CSMD2: variants seen among roughly 807,000 people sequenced by gnomAD.
The protein encoded by CSMD2 is CUB and Sushi multiple domains 2.
CSMD2 carries 130 observed loss-of-function variants against 398.5 expected under a neutral mutation model. That is an observed-to-expected ratio of 0.33 (90% CI 0.28 to 0.38). The LOEUF (loss-of-function observed/expected upper bound fraction) is 0.38, where lower values mean the gene tolerates loss of function less well. Among genes scored for constraint, CSMD2 ranks in the 10% least tolerant of loss-of-function variants. The pLI, the probability that CSMD2 is intolerant of heterozygous loss-of-function variation, is 1.00. For missense variants in CSMD2, 3,829 were observed against 4,764.9 expected (o/e 0.80, Z 5.78); for synonymous variants, 1,828 against 1,908.5 (o/e 0.96, Z 1.10).
chr1:33,625,018 C>T (rs747962794), intron 34 of CSMD2, 33 bp downstream of exon 34: 2 of 1,606,270 alleles, frequency 1.2e-6, no homozygotes, highest in East Asian at 2.2e-5. Context: ...TGCCGCCCCC[C>T]GCACCCTCAA....
intron 24 of CSMD2, among the ~76,000 whole-genome samples, chr1:33,694,937 G>T: frequency 1.3e-5 from 2 of 152,314 alleles, no homozygotes; most frequent in Admixed American, 1.3e-4. Flanking sequence ...TCCCCTGGAA[G>T]AGTTTACTGT....
At chr1:34,138,840 A>G (rs1639005599) in intron 1 of CSMD2, among the ~76,000 whole-genome samples, 1 of 152,208 alleles carries the variant, frequency 6.6e-6, no homozygotes. Context: ...ATATTTTTAC[A>G]TACACATTCA....
intron 5 of CSMD2, among the ~76,000 whole-genome samples, chr1:33,902,417 A>C (rs1329332665): frequency 6.6e-6 from 1 of 152,048 alleles, no homozygotes; most frequent in Non-Finnish European, 1.5e-5. Flanking sequence ...TCTTTCCCAA[A>C]AGCCTCTCAT....
intron 5 of CSMD2, among the ~76,000 whole-genome samples, chr1:33,893,890 G>T (rs535072553): frequency 2.6e-5 from 4 of 152,244 alleles, no homozygotes; most frequent in African/African-American, 9.6e-5. Flanking sequence ...CTTTTTCCAG[G>T]ATGCTGGGGT....
Position 33,519,908 on chromosome 1 carries a change from T to C in CSMD2, c.10640A>G (p.His3547Arg). 1.2e-6 allele frequency: 2 copies of C among 1,614,112 alleles called. No homozygotes were observed. The highest frequency in any genetic ancestry group is 1.7e-6 in the Non-Finnish European group (2 of 1,180,002). ...LESDPESIGR[H>R]FASNSSSVAA... ...CACTGAGCTGCTGTTGGAAGCAAAG[T>C]GGCGGCCAATGGACTCGGGGTCTGA... The change falls in exon 69 of 71, where the codon CAC (histidine) becomes CGC (arginine). Residue 3547 changes from histidine to arginine, a missense_variant. Coordinates refer to ENST00000373381, the MANE Select transcript of CSMD2 (RefSeq NM_001281956.2). This position sits in a 1 kb window ranked among gnomAD's most constrained non-coding sequence, Gnocchi z 5.6.
intron 5 of CSMD2, among the ~76,000 whole-genome samples, chr1:33,888,986 A>G (rs565247124): frequency 7.3e-4 from 111 of 152,182 alleles, no homozygotes; most frequent in South Asian, 5.0e-3. Flanking sequence ...TAGCCAGGAC[A>G]GTCTCCATCT....
intron 48 of CSMD2, 131 bp downstream of exon 48, chr1:33,580,622 G>C (rs1402404445): frequency 1.2e-6 from 1 of 854,186 alleles, no homozygotes; most frequent in Non-Finnish European, 1.8e-6. Context: ...TAGGAGGTAG[G>C]GGAATGGCAA....
At chr1:33,983,668 A>C (rs1445921055) in intron 3 of CSMD2, among the ~76,000 whole-genome samples, 4 of 151,862 alleles carry the variant, frequency 2.6e-5, no homozygotes, top group Non-Finnish European at 5.9e-5. Flanking sequence ...CCAGCCCATC[A>C]CCCATCCTAC....
chr1:33,633,283 C>T lies in CSMD2; in HGVS notation c.5200+139G>A. 3.0e-6 allele frequency: 2 copies of T among 669,774 alleles called. No homozygotes were observed. Among genetic ancestry groups the T allele is most frequent in the East Asian group, 2.7e-5 (1 of 36,610 alleles). The allele number at this position is 669,774 out of a possible 1,614,324, so 41.5% of individuals were successfully genotyped here. ...CACGAGCTGGCTGCTGCGTTGTAGA[C>T]AAGCACCAGAACACGACAGGCACGC... On this transcript the variant is annotated intron_variant, in intron 32 of 70. Coordinates refer to ENST00000373381, the MANE Select transcript of CSMD2 (RefSeq NM_001281956.2). The surrounding 1 kb of genome is among the most constrained non-coding windows in gnomAD (Gnocchi z 5.0).
At chr1:33,786,141 T>G (rs1334249724) in intron 12 of CSMD2, among the ~76,000 whole-genome samples, 1 of 152,236 alleles carries the variant, frequency 6.6e-6, no homozygotes, top group Non-Finnish European at 1.5e-5. Context: ...CTTTTCCTAC[T>G]AATTTAGTCA....
chr1:33,884,277 T>A (rs901121729), intron 5 of CSMD2, among the ~76,000 whole-genome samples: 2 of 151,840 alleles, frequency 1.3e-5, no homozygotes, highest in Middle Eastern at 3.2e-3. Flanking sequence ...CAACCTTTAC[T>A]CCTCCCCAAA....
chr1:33,630,563 G>A (rs1490368427), intron 32 of CSMD2, among the ~76,000 whole-genome samples: 1 of 152,106 alleles, frequency 6.6e-6, no homozygotes, highest in Non-Finnish European at 1.5e-5. Flanking sequence ...GAGTGTGATT[G>A]TAGAGCCTGA....
intron 14 of CSMD2, among the ~76,000 whole-genome samples, chr1:33,742,820 G>A (rs1160942423): frequency 6.6e-6 from 1 of 152,130 alleles, no homozygotes; most frequent in African/African-American, 2.4e-5. Context: ...ATGGGAACTG[G>A]GCAAAGCAAA....
intron 1 of CSMD2, among the ~76,000 whole-genome samples, chr1:34,133,001 C>A (rs1277754084): frequency 2.7e-5 from 4 of 148,372 alleles, no homozygotes; most frequent in Non-Finnish European, 5.9e-5. Flanking sequence ...CTCTGGTGAA[C>A]CTTGACTAAT....
At chr1:33,993,350 C>T (rs1367390447) in intron 3 of CSMD2, among the ~76,000 whole-genome samples, 1 of 152,202 alleles carries the variant, frequency 6.6e-6, no homozygotes, top group Non-Finnish European at 1.5e-5. Flanking sequence ...CACAACAGGT[C>T]ACACTGGCTC....
intron 1 of CSMD2, among the ~76,000 whole-genome samples, chr1:34,135,499 T>C (rs1039654378): frequency 2.0e-5 from 3 of 151,164 alleles, no homozygotes; most frequent in Non-Finnish European, 4.4e-5. Context: ...TTGCCTGTAG[T>C]CCCAGCTACT....
At chr1:33,578,779 C>A (rs537757714) in intron 48 of CSMD2, among the ~76,000 whole-genome samples, 2 of 152,138 alleles carry the variant, frequency 1.3e-5, no homozygotes, top group African/African-American at 4.8e-5. Flanking sequence ...AGGCAGGATG[C>A]GCGTGTGGGG....
At chr1:34,084,748 G>A (rs1463937954) in intron 2 of CSMD2, among the ~76,000 whole-genome samples, 1 of 151,972 alleles carries the variant, frequency 6.6e-6, no homozygotes, top group African/African-American at 2.4e-5. Flanking sequence ...TGGAGAGGAT[G>A]TGGAGAAATA....
intron 35 of CSMD2, among the ~76,000 whole-genome samples, chr1:33,623,838 C>T (rs900343990): frequency 1.3e-5 from 2 of 152,214 alleles, no homozygotes; most frequent in Admixed American, 1.3e-4. Context: ...CAGCAATGAG[C>T]CCGTAACCCA....
Sources: gnomAD v4.1 joint callset for allele counts (sites outside exome capture counted in the v4.1 genomes callset) on GRCh38, gnomAD v4.1.1 for gene constraint, Gnocchi (gnomAD v3.1) non-coding constraint, MANE v1.5 for transcripts, NCBI Gene and HGNC (gene_info 2026-07-23, HGNC 2026-07-21) for gene names.